The following DDOST variants were observed in gnomAD, a reference collection of about 807,000 sequenced individuals.
DDOST encodes the protein dolichyl-diphosphooligosaccharide--protein glycosyltransferase non-catalytic subunit.
In DDOST, 25 loss-of-function variants were observed where a neutral mutation model predicts 47.6. That is an observed-to-expected ratio of 0.53 (90% confidence interval 0.38 to 0.73). The LOEUF (loss-of-function observed/expected upper bound fraction) is 0.73. DDOST is among the 30% of genes least tolerant of loss of function. The probability of loss-of-function intolerance (pLI) is 0.00; values close to 1 mark genes in which losing one functional copy is unlikely to be tolerated. For synonymous variants in DDOST, 275 were observed against 236.0 expected (o/e 1.17, Z -1.51); for missense variants, 526 against 573.9 (o/e 0.92, Z 0.85).
intron 2 of DDOST, 117 bp downstream of exon 2, chr1:20,660,764 C>A: frequency 1.5e-6 from 1 of 647,486 alleles, no homozygotes; most frequent in South Asian, 1.8e-5. Context: ...CGTGGTAGCA[C>A]CATCCAGGAC....
intron 2 of DDOST, among the ~76,000 whole-genome samples, chr1:20,659,924 CAAAA>C (rs1570418580): frequency 6.6e-6 from 1 of 151,896 alleles, no homozygotes; most frequent in East Asian, 1.9e-4. Flanking sequence ...AACAAACAAA[CAAAA>C]AAGGCACCAA....
At position 20,654,630 on chromosome 1, in the gene DDOST, T is replaced by C; in HGVS notation, c.629A>G (p.Asp210Gly). 1 of 1,563,510 alleles carries C rather than the reference T, an allele frequency of 6.4e-7. No homozygotes were observed. Among genetic ancestry groups the C allele is most frequent in the Non-Finnish European group, 8.7e-7 (1 of 1,152,648 alleles). Reference protein sequence around the residue: ...GSSTSYSFFPDKPITQYPHAV... With the variant: ...GSSTSYSFFPGKPITQYPHAV... ...AGCCCTTACCTGGGTGATAGGCTTG[T>C]CCGGGAAGAAGGAGTAAGAGGTGGA... Residue 210 changes from aspartate to glycine, a missense_variant, in exon 6 of 11, where the codon GAC (aspartate) becomes GGC (glycine). Transcript: ENST00000602624.
intron 3 of DDOST, 49 bp from the exon 4 acceptor site, chr1:20,655,828 G>A (rs749381938): frequency 6.7e-7 from 1 of 1,495,378 alleles, no homozygotes; most frequent in Admixed American, 1.7e-5. Flanking sequence ...GGGGGGCCTT[G>A]GGCCAAGTGT....
chr1:20,660,946 A>T lies in DDOST; in HGVS notation c.200T>A (p.Leu67Gln), dbSNP rs1557574744. 4 of 1,614,016 alleles carry T rather than the reference A, an allele frequency of 2.5e-6. No homozygotes were observed. In the African/African-American group the frequency reaches 5.3e-5, roughly 22 times the overall value. The change falls in exon 2 of 11, where the codon CTG (leucine) becomes CAG (glutamine). Residue 67 changes from leucine (L) to glutamine (Q), a missense_variant. Transcript: ENST00000602624. ...LTFKTADDPSLSLIKYGEFLY... is the reference protein window; with the variant it reads ...LTFKTADDPSQSLIKYGEFLY... ...GAATTCCCCATACTTTATGAGAGAC[A>T]GGCTGGGGTCATCAGCGGTCTTGAA...
rs762502754 is a variant in DDOST at position 20,656,182 on chromosome 1, C to T, written c.271G>A (p.Gly91Arg). The change falls in exon 3 of 11, where the codon GGA becomes AGA. Residue 91 changes from glycine (G) to arginine (R), a missense_variant. Physicochemically the swap from Gly to Arg is moderately radical, Grantham distance 125. Coordinates refer to ENST00000602624, the MANE Select transcript of DDOST (RefSeq NM_005216.5). The part of the protein sequence containing the change: ...IIFSPSVEDF[G>R]GNINVETISA... ...ATGGTCTCCACGTTGATGTTGCCTCCAAAATCTGAAAGCAGGCACCAGACA... is the reference window on the plus strand; with the variant it reads ...ATGGTCTCCACGTTGATGTTGCCTCTAAAATCTGAAAGCAGGCACCAGACA... 6 of 1,613,982 alleles carry T rather than the reference C, an allele frequency of 3.7e-6. No individual in the cohort carries two copies. The highest frequency in any genetic ancestry group is 5.1e-6 in the Non-Finnish European group (6 of 1,179,846).
intron 5 of DDOST, among the ~76,000 whole-genome samples, chr1:20,655,178 T>TTTG (rs1553147568): frequency 6.7e-6 from 1 of 148,202 alleles, no homozygotes; most frequent in African/African-American, 2.5e-5. Context: ...TTTGTTTTTT[T>TTTG]TTTTTTTTTT....
intron 2 of DDOST, among the ~76,000 whole-genome samples, chr1:20,657,838 G>A (rs1055476500): frequency 6.6e-6 from 1 of 152,166 alleles, no homozygotes; most frequent in Non-Finnish European, 1.5e-5. Flanking sequence ...CCTTTGGAGA[G>A]GCCAGGCAGT....
At position 20,654,342 on chromosome 1, in the gene DDOST, G is replaced by A; in HGVS notation, c.675C>T (p.Leu225=). Residue 225 remains leucine (L), a synonymous_variant, in exon 7 of 11, where the codon CTC becomes CTT. Coordinates refer to ENST00000602624, the MANE Select transcript of DDOST (RefSeq NM_005216.5). ...QYPHAVGKNT[L]LIAGLQARNN... ...TCCTGGCCTGGAGCCCAGCAATGAG[G>A]AGGGTGTTCTTCCCCACCGCATGTG... 1 of 1,559,160 alleles carries A rather than the reference G, an allele frequency of 6.4e-7. No homozygotes were observed.
rs544634543 is a variant in DDOST at position 20,654,081 on chromosome 1, C to T, written c.794+142G>A. 1.7e-3 allele frequency: 1,779 copies of T among 1,052,434 alleles called. 1 individual carries two copies. The highest frequency in any genetic ancestry group is 2.0e-3 in the Non-Finnish European group (1,453 of 742,362). 65.2% of individuals were successfully genotyped at this position (1,052,434 alleles called of 1,614,324 possible). ...CAATACCAGCAATATAGCAATAAAGCCCTGAAATAATCTGACAGCACCTGA... is the reference window on the plus strand; with the variant it reads ...CAATACCAGCAATATAGCAATAAAGTCCTGAAATAATCTGACAGCACCTGA... On this transcript the variant is annotated intron_variant, in intron 7 of 10. Transcript: ENST00000602624.
At position 20,652,876 on chromosome 1, in the gene DDOST, A is replaced by G. The variant is rs2053312045; in HGVS notation, c.1038T>C (p.Phe346=). 1 of 1,614,090 alleles carries G rather than the reference A, an allele frequency of 6.2e-7. No individual in the cohort carries two copies. Among genetic ancestry groups the G allele is most frequent in the African/African-American group, 1.3e-5 (1 of 74,936 alleles). Residue 346 remains phenylalanine (F), a synonymous_variant, in exon 9 of 11, where the codon TTT becomes TTC. Coordinates refer to ENST00000602624, the MANE Select transcript of DDOST (RefSeq NM_005216.5). The part of the protein sequence containing the change: ...IQLEFVRIDP[F]VRTFLKKKGG... ...CTTTCTTCTTCAGGAAGGTCCTCAC[A>G]AAAGGATCAATGCGGACAAACTCCA...
intron 2 of DDOST, among the ~76,000 whole-genome samples, chr1:20,658,891 T>C (rs2053406003): frequency 6.6e-6 from 1 of 150,584 alleles, no homozygotes; most frequent in Non-Finnish European, 1.5e-5. Context: ...GGTCTTGCTC[T>C]GTCGCTTAGG....
At chr1:20,653,597 T>C (rs760030173) in intron 8 of DDOST, 30 bp downstream of exon 8, 1 of 1,554,458 alleles carries the variant, frequency 6.4e-7, no homozygotes, top group South Asian at 1.2e-5. Context: ...GGCAAACCCT[T>C]TGGGCCCTCC....
At position 20,654,338 on chromosome 1, in the gene DDOST, T is replaced by A; in HGVS notation, c.679A>T (p.Ile227Phe). Residue 227 changes from isoleucine (I) to phenylalanine (F), a missense_variant, in exon 7 of 11, where the codon ATT becomes TTT. Coordinates refer to ENST00000602624, the MANE Select transcript of DDOST (RefSeq NM_005216.5). Reference protein sequence around the residue: ...PHAVGKNTLLIAGLQARNNAR... With the variant: ...PHAVGKNTLLFAGLQARNNAR... ...TTGTTCCTGGCCTGGAGCCCAGCAA[T>A]GAGGAGGGTGTTCTTCCCCACCGCA... is the stretch of plus-strand genomic sequence containing the variant. The A allele has an allele frequency of 6.4e-7, 1 of 1,558,634 alleles. No homozygotes were observed. Among genetic ancestry groups the A allele is most frequent in the Non-Finnish European group, 8.7e-7 (1 of 1,150,274 alleles).
In DDOST at chr1:20,661,003, A is replaced by G. The variant is rs1246999508; in HGVS notation, c.155-12T>C. ...CTCAAAGCCCCGGTCTGGACAAGAA[A>G]AAACAGGTAGTTGAGGAAGACGGGA... On this transcript the variant is annotated splice_polypyrimidine_tract_variant and intron_variant, in intron 1 of 10. Transcript: ENST00000602624. The G allele has an allele frequency of 6.3e-7, 1 of 1,598,622 alleles. No homozygotes were observed. Among genetic ancestry groups the G allele is most frequent in the South Asian group, 1.1e-5 (1 of 90,652 alleles).
rs4704 is a variant in DDOST at position 20,656,138 on chromosome 1, G to A, written c.315C>T (p.Gly105=). Residue 105 remains glycine, a synonymous_variant, in exon 3 of 11, where the codon GGC becomes GGT. Transcript: ENST00000602624. ...TGGCAGCTACCAGCACACTGCCTCC[G>A]CCGTCAATAAAGGCACTGATGGTCT... The part of the protein sequence containing the change: ...NVETISAFID[G]GGSVLVAASS... The A allele has an allele frequency of 0.6, 964,335 of 1,613,332 alleles. 291,224 individuals carry two copies. Among genetic ancestry groups the A allele is most frequent in the African/African-American group, 0.73 (54,583 of 74,958 alleles).
Position 20,653,731 on chromosome 1 carries a change from G to T in DDOST, c.838C>A (p.Arg280Ser), listed in dbSNP as rs767525741. 8 of 1,613,960 alleles carry T rather than the reference G, an allele frequency of 5.0e-6. No homozygotes were observed. The highest frequency in any genetic ancestry group is 5.9e-6 in the Non-Finnish European group (7 of 1,179,984). ...ACACCCTCCTCCTTGAACACCCAGCGGGAGAGGGCCACAGCTAGTTCATAG... is the reference window on the plus strand; with the variant it reads ...ACACCCTCCTCCTTGAACACCCAGCTGGAGAGGGCCACAGCTAGTTCATAG... The part of the protein sequence containing the change: ...GNYELAVALS[R>S]WVFKEEGVLR... Residue 280 changes from arginine to serine, a missense_variant, in exon 8 of 11, where the codon CGC (arginine) becomes AGC (serine). Physicochemically the swap from Arg to Ser is moderately radical, Grantham distance 110. Transcript: ENST00000602624.
chr1:20,658,856 CTTTT>C (rs112536606), intron 2 of DDOST, among the ~76,000 whole-genome samples: 2 of 132,804 alleles, frequency 1.5e-5, no homozygotes, highest in Non-Finnish European at 1.6e-5. Flanking sequence ...TTTCTCTTTT[CTTTT>C]TTTTTTTTTT....
chr1:20,660,757 G>T, intron 2 of DDOST, 124 bp downstream of exon 2: 1 of 638,086 alleles, frequency 1.6e-6, no homozygotes, highest in Non-Finnish European at 2.8e-6. Flanking sequence ...TTATCTCCGT[G>T]GTAGCACCAT....
intron 10 of DDOST, 37 bp downstream of exon 10, chr1:20,652,584 A>T: frequency 6.2e-7 from 1 of 1,614,188 alleles, no homozygotes; most frequent in South Asian, 1.1e-5. Context: ...GGCAGGGCAC[A>T]TGCTAGCTGA....
Sources: allele counts gnomAD v4.1 joint callset (sites outside exome capture counted in the v4.1 genomes callset), GRCh38; gene constraint gnomAD v4.1.1; transcripts MANE v1.5; gene names NCBI Gene and HGNC (gene_info 2026-07-23, HGNC 2026-07-21).